SLC5A4: variants seen among roughly 807,000 people sequenced by gnomAD.
SLC5A4 encodes solute carrier family 5 member 4, also known as probable glucose sensor protein SLC5A4.
A neutral mutation model predicts 70.3 loss-of-function variants in SLC5A4; 55 were observed. The ratio of observed to expected loss-of-function variants is 0.78; its 90% confidence interval spans 0.63 to 0.98. The LOEUF (loss-of-function observed/expected upper bound fraction) is 0.98, where lower values mean the gene tolerates loss of function less well. SLC5A4 is among the 50% of genes least tolerant of loss of function. The pLI is 0.00. For synonymous variants in SLC5A4, 268 were observed against 305.7 expected (o/e 0.88, Z 1.29); for missense variants, 735 against 839.2 (o/e 0.88, Z 1.53).
At chr22:32,340,648 A>G in the SLC5A4 span, among the ~76,000 whole-genome samples, 5 of 152,104 alleles carry the variant, frequency 3.3e-5, no homozygotes, top group Non-Finnish European at 7.3e-5. Context: ...TGTGGAAGGG[A>G]GGCATGAGCC....
the SLC5A4 span, chr22:32,270,896 C>A: frequency 1.4e-5 from 8 of 566,540 alleles, no homozygotes; most frequent in South Asian, 1.1e-4. Context: ...CGTGATCACG[C>A]TGTGCCTGTA....
At chr22:32,309,403 GTGA>G in the SLC5A4 span, among the ~76,000 whole-genome samples, 25 of 152,208 alleles carry the variant, frequency 1.6e-4, no homozygotes, top group African/African-American at 5.8e-4. Context: ...AAATTACATG[GTGA>G]TGGACAGAAG....
chr22:32,286,613 A>G, the SLC5A4 span, among the ~76,000 whole-genome samples: 1 of 152,188 alleles, frequency 6.6e-6, no homozygotes, highest in Non-Finnish European at 1.5e-5. Flanking sequence ...ATACAGCATT[A>G]GCTTAGTGGC....
chr22:32,233,191 A>C (rs1186344178), intron 8 of SLC5A4, among the ~76,000 whole-genome samples, 157 bp from the exon 9 acceptor site: 1 of 152,232 alleles, frequency 6.6e-6, no homozygotes, highest in African/African-American at 2.4e-5. Flanking sequence ...AGCACTATTC[A>C]CAATAGCCAA....
chr22:32,300,367 C>T, the SLC5A4 span, among the ~76,000 whole-genome samples: 15 of 152,058 alleles, frequency 9.9e-5, no homozygotes, highest in East Asian at 1.2e-3. Flanking sequence ...CGTGGTGCAC[C>T]GTTTTTTAAA....
At chr22:32,322,918 A>T in the SLC5A4 span, among the ~76,000 whole-genome samples, 1 of 152,342 alleles carries the variant, frequency 6.6e-6, no homozygotes, top group South Asian at 2.1e-4. Flanking sequence ...GAGGGCTTGC[A>T]ACCAAGTGTC....
intron 11 of SLC5A4, 39 bp downstream of exon 11, chr22:32,229,155 T>C: frequency 6.3e-7 from 1 of 1,595,826 alleles, no homozygotes; most frequent in Non-Finnish European, 8.6e-7. Flanking sequence ...CGTCTGTACT[T>C]CTCCAGAGGA....
At chr22:32,239,869 A>G (rs1926409413) in intron 5 of SLC5A4, among the ~76,000 whole-genome samples, 2 of 149,972 alleles carry the variant, frequency 1.3e-5, no homozygotes, top group Admixed American at 1.3e-4. Context: ...CTACAAATAC[A>G]AAAAATTAGC....
At chr22:32,326,530 C>T in the SLC5A4 span, among the ~76,000 whole-genome samples, 1 of 152,124 alleles carries the variant, frequency 6.6e-6, no homozygotes, top group South Asian at 2.1e-4. Flanking sequence ...GCTGGGATTA[C>T]AGACATGAGC....
intron 14 of SLC5A4, 100 bp downstream of exon 14, chr22:32,220,819 CA>C: frequency 1.2e-6 from 1 of 808,812 alleles, no homozygotes; most frequent in Non-Finnish European, 2.2e-6. Flanking sequence ...ATAAATCTAA[CA>C]GCCTTTTCGG....
chr22:32,318,305 C>T, the SLC5A4 span, among the ~76,000 whole-genome samples: 309 of 151,826 alleles, frequency 2.0e-3, 13 homozygotes, highest in East Asian at 0.052. Context: ...GACTTTTGAG[C>T]CTCAAACTCT....
At chr22:32,308,064 C>T in the SLC5A4 span, among the ~76,000 whole-genome samples, 1 of 152,226 alleles carries the variant, frequency 6.6e-6, no homozygotes, top group East Asian at 1.9e-4. Flanking sequence ...GTTATTCCTT[C>T]CTTCCTTCTT....
At chr22:32,281,032 G>C in the SLC5A4 span, among the ~76,000 whole-genome samples, 1 of 152,122 alleles carries the variant, frequency 6.6e-6, no homozygotes, top group African/African-American at 2.4e-5. Context: ...CACCCAGAAG[G>C]AAAAGGCTGT....
chr22:32,302,672 T>G, the SLC5A4 span, among the ~76,000 whole-genome samples: 1 of 152,220 alleles, frequency 6.6e-6, no homozygotes, highest in Non-Finnish European at 1.5e-5. Context: ...TCTGTTCCAT[T>G]CATCTGTGTG....
At chr22:32,284,225 T>C in the SLC5A4 span, among the ~76,000 whole-genome samples, 1 of 152,366 alleles carries the variant, frequency 6.6e-6, no homozygotes, top group Non-Finnish European at 1.5e-5. Context: ...GTAACACGTT[T>C]TGGCATTTAA....
chr22:32,337,681 A>C, the SLC5A4 span, among the ~76,000 whole-genome samples: 5 of 152,326 alleles, frequency 3.3e-5, no homozygotes, highest in East Asian at 9.6e-4. Context: ...AACATTTAAC[A>C]ACCTGTTCTC....
chr22:32,308,089 C>T, the SLC5A4 span, among the ~76,000 whole-genome samples: 12 of 152,000 alleles, frequency 7.9e-5, no homozygotes, highest in Non-Finnish European at 1.5e-4. Context: ...ACCTACCTAC[C>T]TAGAGTCACT....
intron 10 of SLC5A4, among the ~76,000 whole-genome samples, chr22:32,230,663 G>A (rs988575068): frequency 6.6e-6 from 1 of 152,188 alleles, no homozygotes; most frequent in African/African-American, 2.4e-5. Flanking sequence ...TCTAGGTCTT[G>A]TGTTTACAAG....
chr22:32,319,512 C>T, the SLC5A4 span, among the ~76,000 whole-genome samples: 41 of 152,198 alleles, frequency 2.7e-4, no homozygotes, highest in Admixed American at 2.6e-3. Context: ...CTTTTGGGTC[C>T]CCAGCTTGCT....
Sources: gnomAD v4.1 joint callset for allele counts (sites outside exome capture counted in the v4.1 genomes callset) on GRCh38, gnomAD v4.1.1 for gene constraint, MANE v1.5 for transcripts, NCBI Gene and HGNC (gene_info 2026-07-23, HGNC 2026-07-21) for gene names.